The following AOPEP variants were observed in gnomAD, a reference collection of about 807,000 sequenced individuals.
AOPEP encodes the protein aminopeptidase O.
AOPEP carries 77 observed loss-of-function variants against 98.1 expected under a neutral mutation model. That is an observed-to-expected ratio of 0.78 (90% confidence interval 0.65 to 0.95). The LOEUF is 0.95. Ranked by LOEUF, AOPEP falls within the 40% of genes least tolerant of loss-of-function variation. The pLI is 0.00. For synonymous variants in AOPEP, 346 were observed against 365.3 expected (o/e 0.95, Z 0.60); for missense variants, 1,024 against 1,024.7 (o/e 1.00, Z 0.01).
chr9:95,002,205 G>C (rs1205821613), intron 11 of AOPEP, among the ~76,000 whole-genome samples: 1 of 152,144 alleles, frequency 6.6e-6, no homozygotes, highest in Non-Finnish European at 1.5e-5. Flanking sequence ...TAATTAGAAA[G>C]ATATTCATTT....
At chr9:95,137,894 T>C in the AOPEP span, among the ~76,000 whole-genome samples, 1,493 of 152,304 alleles carry the variant, frequency 9.8e-3, 15 homozygotes, top group Non-Finnish European at 0.013. Flanking sequence ...TGGCAGCACA[T>C]GGCAGAGAGA....
chr9:95,023,986 T>G (rs774798273), intron 13 of AOPEP, among the ~76,000 whole-genome samples: 1 of 152,192 alleles, frequency 6.6e-6, no homozygotes, highest in Non-Finnish European at 1.5e-5. Context: ...TTTCAAGTAG[T>G]TAAAAGGGTC....
intron 14 of AOPEP, among the ~76,000 whole-genome samples, chr9:95,068,285 A>G (rs1386106916): frequency 6.6e-6 from 1 of 151,414 alleles, no homozygotes; most frequent in East Asian, 1.9e-4. Flanking sequence ...ACCATCTTAC[A>G]TTTTCTCTAG....
the AOPEP span, among the ~76,000 whole-genome samples, chr9:95,119,774 T>C: frequency 2.0e-5 from 3 of 152,218 alleles, no homozygotes; most frequent in Non-Finnish European, 2.9e-5. Flanking sequence ...TGCAGTGGCA[T>C]GATCACAGCT....
chr9:94,814,805 C>G (rs373988434), intron 5 of AOPEP, among the ~76,000 whole-genome samples: 1 of 152,284 alleles, frequency 6.6e-6, no homozygotes, highest in African/African-American at 2.4e-5. Context: ...TTTGCACTGT[C>G]GGACGTAAGG....
Position 95,005,635 on chromosome 9 carries a change from G to T in AOPEP, c.2115+19G>T. On this transcript the variant is annotated intron_variant, in intron 13 of 16. Coordinates refer to ENST00000375315, the MANE Select transcript of AOPEP (RefSeq NM_001193329.3). ...TGAAAAGGTAGGGGTTCCCGAGACG[G>T]TACTCGGTGCAGGTCTTGGTAAATC... The T allele has an allele frequency of 6.2e-7, 1 of 1,608,620 alleles. No individual in the cohort carries two copies. Among genetic ancestry groups the T allele is most frequent in the Non-Finnish European group, 8.5e-7 (1 of 1,175,078 alleles).
At chr9:95,103,042 A>ATGGCCTTCGGTAGATGCAGCC in the AOPEP span, among the ~76,000 whole-genome samples, 2 of 152,118 alleles carry the variant, frequency 1.3e-5, no homozygotes, top group Admixed American at 1.3e-4. Context: ...CATAGTGCTG[A>ATGGCCTTCGGTAGATGCAGCC]TGGCCTTCGG....
chr9:95,057,358 G>A (rs2066912875), intron 13 of AOPEP, among the ~76,000 whole-genome samples: 1 of 152,230 alleles, frequency 6.6e-6, no homozygotes, highest in African/African-American at 2.4e-5. Context: ...GGTGGAAGTG[G>A]AGTGGTCCAC....
chr9:94,942,482 G>A (rs1177567501), intron 7 of AOPEP, among the ~76,000 whole-genome samples: 2 of 152,172 alleles, frequency 1.3e-5, no homozygotes, highest in African/African-American at 2.4e-5. Flanking sequence ...CTTTACAGGA[G>A]TTCTTGCCCC....
At chr9:94,753,061 C>T (rs1241457210) in intron 1 of AOPEP, among the ~76,000 whole-genome samples, 2 of 152,138 alleles carry the variant, frequency 1.3e-5, no homozygotes, top group African/African-American at 2.4e-5. Context: ...CAAGTCCATC[C>T]TCCAACTGAG....
chr9:95,056,990 G>A (rs1351749018), intron 13 of AOPEP, among the ~76,000 whole-genome samples: 2 of 152,108 alleles, frequency 1.3e-5, no homozygotes, highest in Non-Finnish European at 2.9e-5. Flanking sequence ...TAATGAGCTG[G>A]TCTCTGTATG....
At chr9:94,873,635 C>G (rs962802949) in intron 5 of AOPEP, among the ~76,000 whole-genome samples, 1 of 152,128 alleles carries the variant, frequency 6.6e-6, no homozygotes, top group African/African-American at 2.4e-5. Flanking sequence ...TATGAATCAA[C>G]CTGAAGAATC....
At chr9:94,997,406 A>G (rs2061310425) in intron 11 of AOPEP, among the ~76,000 whole-genome samples, 1 of 152,238 alleles carries the variant, frequency 6.6e-6, no homozygotes, top group Non-Finnish European at 1.5e-5. Context: ...TTTGAAATTT[A>G]GATGTCTCCC....
chr9:95,113,358 G>A, the AOPEP span, among the ~76,000 whole-genome samples: 3 of 152,316 alleles, frequency 2.0e-5, no homozygotes, highest in South Asian at 2.1e-4. Context: ...GATAGTCTTA[G>A]TAGGCTAGCA....
chr9:94,877,337 T>G (rs1412779987), intron 5 of AOPEP, among the ~76,000 whole-genome samples: 2 of 152,182 alleles, frequency 1.3e-5, no homozygotes, highest in Non-Finnish European at 2.9e-5. Flanking sequence ...CAGTGGGTAA[T>G]GTACTTTTTT....
At chr9:94,781,218 A>T (rs1246515799) in intron 3 of AOPEP, among the ~76,000 whole-genome samples, 1 of 152,110 alleles carries the variant, frequency 6.6e-6, no homozygotes, top group Admixed American at 6.5e-5. Flanking sequence ...CAGAGATGTT[A>T]TCCTGTGGCT....
At chr9:94,831,369 T>A (rs1855922254) in intron 5 of AOPEP, among the ~76,000 whole-genome samples, 1 of 152,156 alleles carries the variant, frequency 6.6e-6, no homozygotes, top group Non-Finnish European at 1.5e-5. Context: ...GTTGTAGGTG[T>A]GTGGTCTTAT....
At chr9:94,791,930 C>G (rs538529015) in intron 3 of AOPEP, among the ~76,000 whole-genome samples, 1 of 152,328 alleles carries the variant, frequency 6.6e-6, no homozygotes, top group African/African-American at 2.4e-5. Context: ...ATGACACATT[C>G]AGATTTCAGA....
chr9:95,087,565 A>G (rs908150330), downstream of AOPEP, among the ~76,000 whole-genome samples: 2 of 147,796 alleles, frequency 1.4e-5, no homozygotes, highest in African/African-American at 5.0e-5. Context: ...CCACCTCACT[A>G]GTTTCTTTGT....
Sources: allele counts gnomAD v4.1 joint callset (sites outside exome capture counted in the v4.1 genomes callset), GRCh38; gene constraint gnomAD v4.1.1; transcripts MANE v1.5; gene names NCBI Gene and HGNC (gene_info 2026-07-23, HGNC 2026-07-21).